Variants in HECW2 observed in about 807,000 individuals in gnomAD.
HECW2 encodes E3 ubiquitin-protein ligase HECW2.
HECW2 carries 61 observed loss-of-function variants against 175.2 expected under a neutral mutation model. The observed-to-expected ratio is 0.35, with a 90% confidence interval of 0.28 to 0.43. The LOEUF is 0.43. Among genes scored for constraint, HECW2 ranks in the 20% least tolerant of loss-of-function variants. HECW2 has a pLI of 1.00. For synonymous variants in HECW2, 671 were observed against 731.0 expected (o/e 0.92, Z 1.32); for missense variants, 1,524 against 2,000.5 (o/e 0.76, Z 4.54).
chr2:196,210,788 AT>A (rs34890135), intron 28 of HECW2, among the ~76,000 whole-genome samples: 2,306 of 142,850 alleles, frequency 0.016, 59 homozygotes, highest in African/African-American at 0.052. Flanking sequence ...TAATTTTTGT[AT>A]TTTTTTTTTT....
At chr2:196,517,613 T>C (rs1339057026) in intron 1 of HECW2, among the ~76,000 whole-genome samples, 1 of 152,238 alleles carries the variant, frequency 6.6e-6, no homozygotes, top group Admixed American at 6.5e-5. Context: ...GACATTGTTT[T>C]GTTTTCACTG....
chr2:196,348,194 T>C (rs1350102377), intron 2 of HECW2, among the ~76,000 whole-genome samples: 1 of 152,260 alleles, frequency 6.6e-6, no homozygotes, highest in Non-Finnish European at 1.5e-5. Context: ...TTTAGAGTGG[T>C]AGCATTTTCT....
chr2:196,223,961 G>A (rs922942630), intron 23 of HECW2, among the ~76,000 whole-genome samples: 1 of 152,134 alleles, frequency 6.6e-6, no homozygotes, highest in African/African-American at 2.4e-5. Flanking sequence ...GGTGACAAAC[G>A]AACTCATGTC....
At position 196,230,779 on chromosome 2, in the gene HECW2, C is replaced by A. The variant is rs111509541; in HGVS notation, c.3765-2525G>T. 7.9e-5 allele frequency among the ~76,000 whole-genome samples: 12 copies of A among 152,232 alleles called. 1 individual carries two copies. The highest frequency in any genetic ancestry group is 2.9e-4 in the African/African-American group (12 of 41,508). On this transcript the variant is annotated intron_variant, in intron 21 of 28. Coordinates refer to ENST00000644978, the MANE Select transcript of HECW2 (RefSeq NM_001348768.2). ...AAACTGCTTTAACCCAGGACTCCCC[C>A]ATCCTGTCTGCATGTAGCTGCATCT...
intron 2 of HECW2, among the ~76,000 whole-genome samples, chr2:196,419,407 C>T (rs1390366343): frequency 6.6e-6 from 1 of 152,178 alleles, no homozygotes; most frequent in Non-Finnish European, 1.5e-5. Flanking sequence ...ACAATTTCCA[C>T]CTCCTGGAAT....
chr2:196,233,093 T>C (rs1688112470), intron 21 of HECW2, among the ~76,000 whole-genome samples: 1 of 152,242 alleles, frequency 6.6e-6, no homozygotes. Flanking sequence ...TGTAATGTCT[T>C]AGCAACTTCT....
chr2:196,551,451 TG>T lies in HECW2; in HGVS notation c.-36+42056del, dbSNP rs111321264. On this transcript the variant is annotated intron_variant, in intron 1 of 28. Transcript: ENST00000644978. ...CAGTCTGTAGATAACACAACTATTT[TG>T]AATCACTCTACTCTAGAAAATGGAA... 2.9e-3 allele frequency among the ~76,000 whole-genome samples: 443 copies of T among 152,338 alleles called. 1 individual carries two copies. Among genetic ancestry groups the T allele is most frequent in the African/African-American group, 0.01 (419 of 41,590 alleles).
intron 21 of HECW2, among the ~76,000 whole-genome samples, chr2:196,232,195 C>T (rs1277381811): frequency 1.3e-5 from 2 of 152,126 alleles, no homozygotes; most frequent in Admixed American, 1.3e-4. Flanking sequence ...AGTTTTCTTA[C>T]AGACAACTGG....
chr2:196,263,699 T>C (rs969964431), intron 17 of HECW2: 1 of 152,200 alleles, frequency 6.6e-6, no homozygotes, highest in African/African-American at 2.4e-5. Context: ...ATTATGGTCA[T>C]ACGATTCTTA....
intron 2 of HECW2, among the ~76,000 whole-genome samples, chr2:196,352,934 C>T (rs1693220851): frequency 6.6e-6 from 1 of 152,202 alleles, no homozygotes; most frequent in Admixed American, 6.5e-5. Context: ...CAATTTCAAA[C>T]ACACGTCACA....
chr2:196,522,103 T>C (rs1688420542), intron 1 of HECW2, among the ~76,000 whole-genome samples: 1 of 152,192 alleles, frequency 6.6e-6, no homozygotes, highest in Non-Finnish European at 1.5e-5. Flanking sequence ...CCACCAACAG[T>C]GTAAAAGTGT....
chr2:196,411,282 G>C (rs1695103118), intron 2 of HECW2, among the ~76,000 whole-genome samples: 1 of 152,124 alleles, frequency 6.6e-6, no homozygotes, highest in African/African-American at 2.4e-5. Flanking sequence ...TGGGATTACA[G>C]GCATGAGCCA....
At chr2:196,408,122 C>G (rs1695012473) in intron 2 of HECW2, among the ~76,000 whole-genome samples, 1 of 152,208 alleles carries the variant, frequency 6.6e-6, no homozygotes, top group African/African-American at 2.4e-5. Flanking sequence ...AATCAGTACT[C>G]CAATTCACTT....
chr2:196,241,410 C>A (rs1357498751), intron 20 of HECW2, among the ~76,000 whole-genome samples: 5 of 152,168 alleles, frequency 3.3e-5, no homozygotes, highest in Admixed American at 6.5e-5. Context: ...TTGGTCTGGT[C>A]TCTGGACCGT....
chr2:196,460,754 G>T (rs1696709549), intron 1 of HECW2, among the ~76,000 whole-genome samples: 1 of 146,370 alleles, frequency 6.8e-6, no homozygotes, highest in Non-Finnish European at 1.5e-5. Flanking sequence ...GGGACTACAA[G>T]CATGCATCAC....
chr2:196,483,876 T>G (rs1686919276), intron 1 of HECW2, among the ~76,000 whole-genome samples: 2 of 152,180 alleles, frequency 1.3e-5, no homozygotes. Context: ...GTGAAAGGTT[T>G]TTGAATCTTT....
At chr2:196,576,639 G>T (rs1431026640) in intron 1 of HECW2, among the ~76,000 whole-genome samples, 1 of 152,078 alleles carries the variant, frequency 6.6e-6, no homozygotes, top group African/African-American at 2.4e-5. Flanking sequence ...CTAACATACC[G>T]CATGATATCT....
At position 196,258,009 on chromosome 2, in the gene HECW2, C is replaced by T; in HGVS notation, c.3336-103G>A. On this transcript the variant is annotated intron_variant, in intron 17 of 28. Coordinates refer to ENST00000644978, the MANE Select transcript of HECW2 (RefSeq NM_001348768.2). ...ATAATAGTCATGATGTTTTTTGGTA[C>T]CTATTATGTGGCAGCTACTGTGTAA... The T allele has an allele frequency of 2.5e-6, 2 of 786,780 alleles. 1 individual carries two copies. The highest frequency in any genetic ancestry group is 4.3e-6 in the Non-Finnish European group (2 of 465,788). 48.7% of individuals were successfully genotyped at this position (786,780 alleles called of 1,614,324 possible).
At chr2:196,485,235 A>G (rs985067085) in intron 1 of HECW2, among the ~76,000 whole-genome samples, 1 of 152,228 alleles carries the variant, frequency 6.6e-6, no homozygotes, top group Non-Finnish European at 1.5e-5. Context: ...GGGGGTCTCC[A>G]GAAAGGTGTG....
Sources: gnomAD v4.1 joint callset for allele counts (sites outside exome capture counted in the v4.1 genomes callset) on GRCh38, gnomAD v4.1.1 for gene constraint, MANE v1.5 for transcripts, NCBI Gene and HGNC (gene_info 2026-07-23, HGNC 2026-07-21) for gene names.